Variants in CALN1 observed in about 807,000 individuals in gnomAD.
CALN1 encodes the protein calcium-binding protein 8.
Under a neutral mutation model 30.6 loss-of-function variants are expected in CALN1, and 17 were observed. The ratio of observed to expected loss-of-function variants is 0.56; its 90% CI spans 0.38 to 0.83. The LOEUF (loss-of-function observed/expected upper bound fraction) is 0.83, where lower values mean the gene tolerates loss of function less well. Ranked by LOEUF, CALN1 falls within the 40% of genes least tolerant of loss-of-function variation. The probability of loss-of-function intolerance (pLI) is 0.00; values close to 1 mark genes in which losing one functional copy is unlikely to be tolerated. For missense variants in CALN1, 291 were observed against 354.9 expected (o/e 0.82, Z 1.45); for synonymous variants, 156 against 131.4 (o/e 1.19, Z -1.28).
At chr7:72,152,575 T>C (rs1002424392) in intron 3 of CALN1, among the ~76,000 whole-genome samples, 9 of 152,078 alleles carry the variant, frequency 5.9e-5, no homozygotes, top group Non-Finnish European at 1.2e-4. Flanking sequence ...AGCCCAGCAA[T>C]AGGAACAACA....
intron 6 of CALN1, among the ~76,000 whole-genome samples, chr7:71,801,448 C>G (rs937017392): frequency 1.3e-5 from 2 of 151,490 alleles, no homozygotes; most frequent in East Asian, 1.9e-4. Context: ...ATCTATCTAT[C>G]TATCTATCTA....
chr7:72,450,326 TG>T (rs1348627393), upstream of CALN1, among the ~76,000 whole-genome samples: 1 of 152,092 alleles, frequency 6.6e-6, no homozygotes, highest in Non-Finnish European at 1.5e-5. Context: ...AAGAAAGGTG[TG>T]GGAAATAATG....
intron 3 of CALN1, among the ~76,000 whole-genome samples, chr7:72,258,094 T>G (rs1289235390): frequency 6.6e-6 from 1 of 150,736 alleles, no homozygotes; most frequent in Non-Finnish European, 1.5e-5. Context: ...AAAACCCACC[T>G]GTACCTCAAA....
At chr7:71,973,185 CTTTT>C (rs1261025345) in intron 5 of CALN1, among the ~76,000 whole-genome samples, 1 of 151,548 alleles carries the variant, frequency 6.6e-6, no homozygotes, top group Non-Finnish European at 1.5e-5. Context: ...TTTTTTTTCC[CTTTT>C]TTTAAGACAC....
chr7:71,875,101 G>T (rs1792163287), intron 5 of CALN1, among the ~76,000 whole-genome samples: 1 of 149,142 alleles, frequency 6.7e-6, no homozygotes, highest in Admixed American at 6.7e-5. Context: ...GGAGGCAGTG[G>T]TTGCAGTGAG....
chr7:71,930,831 T>C (rs1372265299), intron 5 of CALN1, among the ~76,000 whole-genome samples: 2 of 152,198 alleles, frequency 1.3e-5, no homozygotes, highest in East Asian at 1.9e-4. Context: ...CCTTCCCTTC[T>C]CTTCTCCATC....
At chr7:72,437,317 C>G (rs1351342125) in intron 1 of CALN1, among the ~76,000 whole-genome samples, 1 of 152,142 alleles carries the variant, frequency 6.6e-6, no homozygotes, top group African/African-American at 2.4e-5. Flanking sequence ...CACTAAGGCC[C>G]CTCCCTGGCA....
rs560095805 is a variant in CALN1 at position 71,877,565 on chromosome 7, TAACTC to T, written c.502-67078_502-67074del. ...CTAGAAATGGAATAGAAAAAGTACT[TAACTC>T]AATATAATGACCTCAAACTATAAAT... On this transcript the variant is annotated intron_variant, in intron 5 of 6. Transcript: ENST00000395275. 6.5e-4 allele frequency among the ~76,000 whole-genome samples: 99 copies of T among 152,176 alleles called. 1 individual carries two copies. Among genetic ancestry groups the T allele is most frequent in the African/African-American group, 2.0e-3 (85 of 41,536 alleles).
intron 4 of CALN1, among the ~76,000 whole-genome samples, chr7:72,073,797 G>GATC (rs1804557137): frequency 6.6e-6 from 1 of 152,004 alleles, no homozygotes; most frequent in East Asian, 1.9e-4. Flanking sequence ...GGACTCAAGT[G>GATC]ATCCTGTCAC....
intron 3 of CALN1, among the ~76,000 whole-genome samples, chr7:72,178,933 G>T (rs374502815): frequency 1.3e-5 from 2 of 152,082 alleles, no homozygotes; most frequent in Non-Finnish European, 2.9e-5. Flanking sequence ...AATATTTGTG[G>T]TCTTTAGGCA....
chr7:72,265,330 G>C (rs1796531266), intron 3 of CALN1, among the ~76,000 whole-genome samples: 1 of 152,192 alleles, frequency 6.6e-6, no homozygotes, highest in South Asian at 2.1e-4. Flanking sequence ...GAAGAGAGAA[G>C]ACCAGTGAGT....
Position 72,078,165 on chromosome 7 carries a change from T to C in CALN1, c.388+27986A>G, listed in dbSNP as rs535454861. 2.6e-5 allele frequency among the ~76,000 whole-genome samples: 4 copies of C among 152,234 alleles called. No individual in the cohort carries two copies. The East Asian group carries it at 5.8e-4, about 22-fold the overall frequency. On this transcript the variant is annotated intron_variant, in intron 4 of 6. Coordinates refer to ENST00000395275, the MANE Select transcript of CALN1 (RefSeq NM_031468.4). ...AGGAGTGGTGTGTTAGAAAAGCATA[T>C]GTTTGGTAAAATTTTTGAATAAATG...
chr7:72,061,387 G>GTTGAGAGGTTTTTATCTTT (rs1401479376), intron 4 of CALN1, among the ~76,000 whole-genome samples: 1 of 152,048 alleles, frequency 6.6e-6, no homozygotes, highest in Non-Finnish European at 1.5e-5. Context: ...TTATTTCTTT[G>GTTGAGAGGTTTTTATCTTT]TTGAGAGGTT....
chr7:72,017,365 C>T (rs1392247727), intron 5 of CALN1, among the ~76,000 whole-genome samples: 2 of 152,042 alleles, frequency 1.3e-5, no homozygotes, highest in African/African-American at 4.8e-5. Flanking sequence ...GATTGGACAG[C>T]AGCAGACCTA....
intron 3 of CALN1, among the ~76,000 whole-genome samples, chr7:72,110,082 C>G (rs1487018558): frequency 6.6e-6 from 1 of 152,214 alleles, no homozygotes; most frequent in East Asian, 1.9e-4. Flanking sequence ...CCCATTCCTT[C>G]TGACTCAATC....
intron 3 of CALN1, among the ~76,000 whole-genome samples, chr7:72,169,775 C>T (rs1478257647): frequency 6.7e-6 from 1 of 149,970 alleles, no homozygotes; most frequent in Non-Finnish European, 1.5e-5. Context: ...CTGCAACTTC[C>T]ACCTCCTGGG....
chr7:72,331,185 A>C (rs950059409), intron 2 of CALN1, among the ~76,000 whole-genome samples: 2 of 152,090 alleles, frequency 1.3e-5, no homozygotes, highest in Non-Finnish European at 2.9e-5. Context: ...CCCCGTCTCT[A>C]CTAAAAATAC....
chr7:72,428,952 C>G (rs190072404), intron 1 of CALN1, among the ~76,000 whole-genome samples: 1 of 152,316 alleles, frequency 6.6e-6, no homozygotes, highest in African/African-American at 2.4e-5. Context: ...CACATACACA[C>G]AGGGCAGACC....
At chr7:72,305,110 G>A (rs1223253681) in intron 2 of CALN1, among the ~76,000 whole-genome samples, 1 of 152,158 alleles carries the variant, frequency 6.6e-6, no homozygotes, top group Non-Finnish European at 1.5e-5. Flanking sequence ...TTAAGGGCCC[G>A]TGTTAACAGC....
Sources: gnomAD v4.1 joint callset for allele counts (sites outside exome capture counted in the v4.1 genomes callset) on GRCh38, gnomAD v4.1.1 for gene constraint, MANE v1.5 for transcripts, NCBI Gene and HGNC (gene_info 2026-07-23, HGNC 2026-07-21) for gene names.